The following BTRC variants were observed in gnomAD, a reference collection of about 807,000 sequenced individuals.
BTRC encodes beta-transducin repeat containing E3 ubiquitin protein ligase.
A neutral mutation model predicts 85.5 loss-of-function variants in BTRC; 42 were observed. That is an observed-to-expected ratio of 0.49 (90% confidence interval 0.38 to 0.64). The LOEUF (loss-of-function observed/expected upper bound fraction) is 0.64. Ranked by LOEUF, BTRC falls within the 30% of genes least tolerant of loss-of-function variation. The pLI is 0.00. For missense variants in BTRC, 594 were observed against 743.5 expected (o/e 0.80, Z 2.34); for synonymous variants, 255 against 263.3 (o/e 0.97, Z 0.30).
intron 2 of BTRC, among the ~76,000 whole-genome samples, chr10:101,456,110 G>A (rs556286637): frequency 6.6e-6 from 1 of 151,634 alleles, no homozygotes; most frequent in East Asian, 1.9e-4. Context: ...GGCAGAAGTT[G>A]TAATGAGCCG....
chr10:101,501,032 T>C (rs920276541), intron 4 of BTRC, among the ~76,000 whole-genome samples: 46 of 152,098 alleles, frequency 3.0e-4, no homozygotes, highest in Non-Finnish European at 6.3e-4. Context: ...CCGCCTCCAC[T>C]AAAAATACAA....
intron 1 of BTRC, among the ~76,000 whole-genome samples, chr10:101,367,770 G>A (rs1942511984): frequency 6.6e-6 from 1 of 152,208 alleles, no homozygotes. Flanking sequence ...TCAGGTTGTT[G>A]TGGGAGGTGT....
chr10:101,487,490 G>A (rs1946019209), intron 4 of BTRC, among the ~76,000 whole-genome samples: 1 of 152,136 alleles, frequency 6.6e-6, no homozygotes, highest in Admixed American at 6.5e-5. Context: ...TCAGTGTCTG[G>A]GTTTAACTAA....
At chr10:101,431,325 T>A (rs936238606) in intron 2 of BTRC, among the ~76,000 whole-genome samples, 3 of 151,912 alleles carry the variant, frequency 2.0e-5, no homozygotes, top group Non-Finnish European at 4.4e-5. Context: ...AATCCACCCA[T>A]CTCGGCTTCC....
At chr10:101,451,962 A>G (rs1944964598) in intron 2 of BTRC, among the ~76,000 whole-genome samples, 1 of 152,180 alleles carries the variant, frequency 6.6e-6, no homozygotes, top group Non-Finnish European at 1.5e-5. Flanking sequence ...CTAGCAAAAT[A>G]TATACACATT....
At chr10:101,389,117 GTGTTTTTTTTTTTTTT>G (rs1286800146) in intron 1 of BTRC, among the ~76,000 whole-genome samples, 7 of 53,046 alleles carry the variant, frequency 1.3e-4, no homozygotes, top group East Asian at 5.6e-4. Flanking sequence ...TTTTTTGTGT[GTGTTTTTTTTTTTTTT>G]TTTTTTTTTT....
intron 3 of BTRC, among the ~76,000 whole-genome samples, chr10:101,468,149 G>T (rs1945430366): frequency 1.3e-5 from 2 of 152,098 alleles, no homozygotes; most frequent in African/African-American, 4.8e-5. Context: ...CCGTATGGGG[G>T]GTTGGTGCTT....
chr10:101,554,404 C>T lies in BTRC; in HGVS notation c.*1281C>T, dbSNP rs1389711010. On this transcript the variant is annotated 3_prime_UTR_variant, in exon 15 of 15. Coordinates refer to ENST00000370187, the MANE Select transcript of BTRC (RefSeq NM_033637.4). ...TAAGAGAGATGGTCAGGAGAAAACA[C>T]TGTTTTTGTTTTTTTTGTTGTTTTG... The T allele has an allele frequency of 6.6e-6, 1 of 152,406 alleles. No homozygotes were observed. The highest frequency in any genetic ancestry group is 1.9e-4 in the East Asian group (1 of 5,192). The allele number at this position is 152,406 out of a possible 1,614,324, so 9.4% of individuals were successfully genotyped here. A position where few individuals can be genotyped will look rare whatever the true frequency, so the allele number is the denominator to read the frequency against.
intron 1 of BTRC, among the ~76,000 whole-genome samples, chr10:101,358,209 C>T (rs1268967755): frequency 1.3e-5 from 2 of 152,186 alleles, no homozygotes; most frequent in African/African-American, 4.8e-5. Flanking sequence ...TCACATGATC[C>T]TCCTGCCTCG....
chr10:101,527,597 T>C (rs889730092), intron 6 of BTRC, among the ~76,000 whole-genome samples: 20 of 151,900 alleles, frequency 1.3e-4, no homozygotes, highest in African/African-American at 4.6e-4. Flanking sequence ...TACAAAAAAA[T>C]CAAAAAATTA....
rs2062296989 is a variant in BTRC, at chr10:101,532,324, A to G, written c.870A>G (p.Arg290=). 1 of 1,613,460 alleles carries G rather than the reference A, an allele frequency of 6.2e-7. No individual in the cohort carries two copies. Among genetic ancestry groups the G allele is most frequent in the Non-Finnish European group, 8.5e-7 (1 of 1,179,792 alleles). The change falls in exon 8 of 15, where the codon AGA becomes AGG. Residue 290 remains arginine (R), a synonymous_variant. Transcript: ENST00000370187. ...ETIESNWRCG[R]HSLQRIHCRS... is the part of the protein sequence containing the mutation. ...TAGAATCTAATTGGAGATGTGGAAG[A>G]CATAGTTTACAGAGAATTCACTGCC...
intron 13 of BTRC, among the ~76,000 whole-genome samples, chr10:101,538,878 T>C (rs1040753736): frequency 6.6e-6 from 1 of 151,758 alleles, no homozygotes; most frequent in African/African-American, 2.4e-5. Context: ...TGAAACCCCA[T>C]CTCTGCTAAA....
At chr10:101,398,455 A>C (rs1943418380) in intron 1 of BTRC, among the ~76,000 whole-genome samples, 1 of 151,962 alleles carries the variant, frequency 6.6e-6, no homozygotes, top group Non-Finnish European at 1.5e-5. Context: ...GGTGCCCGAC[A>C]CTGTGCCCAG....
At chr10:101,436,913 A>G (rs1216295658) in intron 2 of BTRC, among the ~76,000 whole-genome samples, 2 of 152,220 alleles carry the variant, frequency 1.3e-5, no homozygotes, top group African/African-American at 4.8e-5. Context: ...GGCATTATTC[A>G]TTATATATAT....
intron 1 of BTRC, among the ~76,000 whole-genome samples, chr10:101,424,054 A>G (rs971099077): frequency 6.6e-5 from 10 of 152,098 alleles, no homozygotes; most frequent in Non-Finnish European, 1.0e-4. Context: ...ACATGGAGAA[A>G]CCCTGCCTGT....
At chr10:101,491,402 A>C (rs1296670577) in intron 4 of BTRC, among the ~76,000 whole-genome samples, 1 of 152,116 alleles carries the variant, frequency 6.6e-6, no homozygotes, top group Non-Finnish European at 1.5e-5. Context: ...TTGTCAATTA[A>C]AAATGTGTCC....
chr10:101,418,998 T>TTTTC (rs1302444268), intron 1 of BTRC, among the ~76,000 whole-genome samples: 3 of 151,786 alleles, frequency 2.0e-5, no homozygotes, highest in African/African-American at 4.8e-5. Flanking sequence ...TCACAGTTTC[T>TTTTC]TTTCTTTCTT....
intron 13 of BTRC, among the ~76,000 whole-genome samples, chr10:101,548,332 C>A (rs2134470535): frequency 6.6e-6 from 1 of 152,312 alleles, no homozygotes; most frequent in Middle Eastern, 3.4e-3. Flanking sequence ...GCCCCTATGT[C>A]CACCAACAAG....
In BTRC at chr10:101,532,789, T is replaced by TGTGC. The variant is rs57980548; in HGVS notation, c.979-162_979-161insTGCG. On this transcript the variant is annotated intron_variant, in intron 8 of 14. Coordinates refer to ENST00000370187, the MANE Select transcript of BTRC (RefSeq NM_033637.4). ...GTGTGTGTGTGTGTGTGTGTGTGTG[T>TGTGC]GCGCGTGTGCGCGCGCGCGCGCTTA... Among the ~76,000 whole-genome samples the TGTGC allele has an allele frequency of 5.0e-3, 394 of 78,226 alleles. 3 individuals are homozygous for TGTGC. The highest frequency in any genetic ancestry group is 0.034 in the Middle Eastern group (7 of 208). 51.3% of individuals were successfully genotyped at this position (78,226 alleles called of 152,430 possible). A position where few individuals can be genotyped will look rare whatever the true frequency, so the allele number is the denominator to read the frequency against.
Sources: allele counts gnomAD v4.1 joint callset (sites outside exome capture counted in the v4.1 genomes callset), GRCh38; gene constraint gnomAD v4.1.1; transcripts MANE v1.5; gene names NCBI Gene and HGNC (gene_info 2026-07-23, HGNC 2026-07-21).